Variants in MAP3K14 observed in about 807,000 individuals in gnomAD.
MAP3K14 encodes the protein NF-kappa-beta-inducing kinase.
Under a neutral mutation model 99.2 loss-of-function variants are expected in MAP3K14, and 16 were observed. That is an observed-to-expected ratio of 0.16 (90% CI 0.11 to 0.24). MAP3K14 has a LOEUF of 0.24. Ranked by LOEUF, MAP3K14 falls within the 10% of genes least tolerant of loss-of-function variation. The pLI is 1.00. For missense variants in MAP3K14, 784 were observed against 1,208.7 expected (o/e 0.65, Z 5.21); for synonymous variants, 462 against 492.4 (o/e 0.94, Z 0.82).
chr17:45,309,727 G>C (rs1445381502), intron 1 of MAP3K14, among the ~76,000 whole-genome samples: 1 of 152,200 alleles, frequency 6.6e-6, no homozygotes, highest in Non-Finnish European at 1.5e-5. Flanking sequence ...CTGAAAGATG[G>C]CTGTGGAGCC....
At chr17:45,278,671 A>G (rs1322302441) in intron 6 of MAP3K14, among the ~76,000 whole-genome samples, 3 of 148,940 alleles carry the variant, frequency 2.0e-5, no homozygotes, top group Admixed American at 1.3e-4. Context: ...AGGCCTTTCC[A>G]TGCTGAACTT....
intron 1 of MAP3K14, among the ~76,000 whole-genome samples, chr17:45,293,558 G>GT (rs1047354045): frequency 1.3e-5 from 2 of 152,216 alleles, no homozygotes; most frequent in Non-Finnish European, 2.9e-5. Context: ...CAGGCAGACA[G>GT]TAACAAGGAG....
Position 45,287,140 on chromosome 17 carries a change from G to A in MAP3K14, c.537+14C>T. ...CATGAACCTGGGGTCTGGGCAGTGG[G>A]TGGAGGGTCTCACCTGCACTGGGAT... is the stretch of plus-strand genomic sequence containing the variant. On this transcript the variant is annotated intron_variant, in intron 4 of 15. Transcript: ENST00000344686. The A allele has an allele frequency of 6.2e-7, 1 of 1,610,716 alleles. No homozygotes were observed. The highest frequency in any genetic ancestry group is 1.3e-5 in the African/African-American group (1 of 74,950).
Position 45,266,645 on chromosome 17 carries a change from G to A in MAP3K14, c.2470C>T (p.Leu824=). The stretch of plus-strand genomic sequence containing the variant: ...CTCCAGGAGTGTACGCCTGAGCTCA[G>A]GGTGTCCCGCGAGCTTTGAGAGGCC... ...SKASQSSRDT[L]SSGVHSWSSQ... Residue 824 remains leucine (L), a synonymous_variant, in exon 14 of 16, where the codon CTG becomes TTG. Transcript: ENST00000344686. 6.2e-7 allele frequency: 1 copy of A among 1,613,138 alleles called. No homozygotes were observed. Among genetic ancestry groups the A allele is most frequent in the Non-Finnish European group, 8.5e-7 (1 of 1,179,260 alleles).
chr17:45,265,749 T>C (rs1490067456), intron 14 of MAP3K14, among the ~76,000 whole-genome samples: 3 of 152,180 alleles, frequency 2.0e-5, no homozygotes, highest in Non-Finnish European at 4.4e-5. Context: ...CAAAGCTGCA[T>C]TTTTATAAGA....
At chr17:45,305,273 T>A (rs937883545) in intron 1 of MAP3K14, among the ~76,000 whole-genome samples, 5 of 151,992 alleles carry the variant, frequency 3.3e-5, no homozygotes, top group Non-Finnish European at 7.4e-5. Context: ...ATTTTTTGTA[T>A]TTTTAGTAGA....
At chr17:45,313,642 T>C (rs1237291797) in intron 1 of MAP3K14, among the ~76,000 whole-genome samples, 2 of 152,194 alleles carry the variant, frequency 1.3e-5, no homozygotes, top group Admixed American at 1.3e-4. Context: ...CCTTTGTTTC[T>C]ACATCTGGAA....
intron 1 of MAP3K14, among the ~76,000 whole-genome samples, chr17:45,294,155 T>C (rs982972147): frequency 2.6e-5 from 4 of 152,230 alleles, no homozygotes; most frequent in Non-Finnish European, 1.5e-5. Context: ...CCCAAAGGCA[T>C]TGGGCCCTCT....
chr17:45,270,320 A>C (rs760129384), intron 11 of MAP3K14, 93 bp downstream of exon 11: 20 of 1,445,800 alleles, frequency 1.4e-5, no homozygotes, highest in Non-Finnish European at 1.7e-5. Flanking sequence ...TAAGGCTCTG[A>C]GGGGTGCCTT....
intron 5 of MAP3K14, among the ~76,000 whole-genome samples, chr17:45,285,367 T>C (rs2044255341): frequency 6.6e-6 from 1 of 152,196 alleles, no homozygotes; most frequent in Non-Finnish European, 1.5e-5. Flanking sequence ...GGCTCACGCC[T>C]GTAATCCCAG....
intron 1 of MAP3K14, among the ~76,000 whole-genome samples, chr17:45,310,571 C>T (rs185239155): frequency 6.6e-6 from 1 of 152,258 alleles, no homozygotes; most frequent in Non-Finnish European, 1.5e-5. Context: ...CATGCTTCAC[C>T]CACAAGGAAG....
chr17:45,307,187 G>A (rs1238649552), intron 1 of MAP3K14, among the ~76,000 whole-genome samples: 1 of 152,014 alleles, frequency 6.6e-6, no homozygotes, highest in African/African-American at 2.4e-5. Flanking sequence ...GAACCCGGGA[G>A]GTGGAGGTTG....
At chr17:45,283,136 G>C (rs2044236613) in intron 6 of MAP3K14, among the ~76,000 whole-genome samples, 1 of 152,210 alleles carries the variant, frequency 6.6e-6, no homozygotes, top group African/African-American at 2.4e-5. Context: ...GAGGACTCTT[G>C]AGGCCCTCAG....
intron 1 of MAP3K14, among the ~76,000 whole-genome samples, chr17:45,300,373 A>G (rs2044377707): frequency 6.6e-6 from 1 of 152,146 alleles, no homozygotes; most frequent in South Asian, 2.1e-4. Context: ...ACTTAAGACA[A>G]CCTCAAGCTC....
At chr17:45,265,322 G>T in intron 14 of MAP3K14, 59 bp from the exon 15 acceptor site, 1 of 1,132,726 alleles carries the variant, frequency 8.8e-7, no homozygotes, top group Non-Finnish European at 1.3e-6. Flanking sequence ...AAGGACCAGG[G>T]TCCTGGCAGG....
rs1418647986 is a variant in MAP3K14 at position 45,287,222 on chromosome 17, C to A, written c.469G>T (p.Ala157Ser). 3 of 1,613,862 alleles carry A rather than the reference C, an allele frequency of 1.9e-6. No homozygotes were observed. The African/African-American group carries it at 4.0e-5, about 22-fold the overall frequency. The change falls in exon 4 of 16, where the codon GCA becomes TCA. Residue 157 changes from alanine to serine, a missense_variant. By Grantham distance (99) the Ala-to-Ser change is moderately conservative. Transcript: ENST00000344686. ...KKKSSKSLAH[A>S]GVALAKPLPR... ...AGGGGTTTGGCCAAGGCCACTCCTG[C>A]ATGAGCCAGGGACTTTGAGCTCTTC...
At chr17:45,275,031 C>A (rs1049479807) in intron 6 of MAP3K14, among the ~76,000 whole-genome samples, 1 of 151,496 alleles carries the variant, frequency 6.6e-6, no homozygotes, top group Non-Finnish European at 1.5e-5. Flanking sequence ...CCCAGCTACT[C>A]GGGAGGCTGA....
Position 45,270,405 on chromosome 17 carries a change from C to T in MAP3K14, c.1972+8G>A. The T allele has an allele frequency of 6.2e-7, 1 of 1,609,728 alleles. No individual in the cohort carries two copies. The highest frequency in any genetic ancestry group is 8.5e-7 in the Non-Finnish European group (1 of 1,178,964). ...CCCCCGGGTCAGCCAGCGTGGGGCT[C>T]TTCCTACCTTGCTGTAGTGCCCGGT... On this transcript the variant is annotated splice_region_variant and intron_variant, in intron 11 of 15. Coordinates refer to ENST00000344686, the MANE Select transcript of MAP3K14 (RefSeq NM_003954.5).
intron 6 of MAP3K14, among the ~76,000 whole-genome samples, chr17:45,284,128 A>C (rs753804957): frequency 6.6e-6 from 1 of 152,134 alleles, no homozygotes; most frequent in Non-Finnish European, 1.5e-5. Flanking sequence ...GGGAGGGGTG[A>C]TTCCTGTCTT....
Sources: gnomAD v4.1 joint callset for allele counts (sites outside exome capture counted in the v4.1 genomes callset) on GRCh38, gnomAD v4.1.1 for gene constraint, MANE v1.5 for transcripts, NCBI Gene and HGNC (gene_info 2026-07-23, HGNC 2026-07-21) for gene names.